Variants in KIFC3 observed in about 807,000 individuals in gnomAD.
KIFC3 encodes the protein kinesin family member C3.
Under a neutral mutation model 101.8 loss-of-function variants are expected in KIFC3, and 60 were observed. That is an observed-to-expected ratio of 0.59 (90% CI 0.48 to 0.73). The LOEUF is 0.73. KIFC3 is among the 30% of genes least tolerant of loss of function. The pLI is 0.00. For synonymous variants in KIFC3, 476 were observed against 482.7 expected (o/e 0.99, Z 0.18); for missense variants, 966 against 1,137.1 (o/e 0.85, Z 2.16).
At chr16:57,854,953 C>CT (rs2056133258) in intron 1 of KIFC3, among the ~76,000 whole-genome samples, 1 of 152,134 alleles carries the variant, frequency 6.6e-6, no homozygotes, top group South Asian at 2.1e-4. Context: ...GGCACAGTGG[C>CT]TGACACCCGT....
intron 9 of KIFC3, among the ~76,000 whole-genome samples, chr16:57,768,599 A>T (rs1338067935): frequency 1.3e-5 from 2 of 151,716 alleles, no homozygotes; most frequent in African/African-American, 2.4e-5. Flanking sequence ...ACATTGGAAG[A>T]GTTGGGTGGG....
intron 1 of KIFC3, among the ~76,000 whole-genome samples, chr16:57,855,962 C>A (rs566887305): frequency 3.5e-5 from 5 of 141,962 alleles, no homozygotes; most frequent in Admixed American, 7.1e-5. Context: ...AAAAAAAAAC[C>A]AAAAACAAAA....
chr16:57,765,917 ACCC>A (rs2050429423), intron 10 of KIFC3: 1 of 381,734 alleles, frequency 2.6e-6, no homozygotes, highest in African/African-American at 2.1e-5. Context: ...CAAGCACTGC[ACCC>A]CGTCAGGGTG....
At chr16:57,835,536 A>G (rs934429781) in intron 1 of KIFC3, among the ~76,000 whole-genome samples, 15 of 152,242 alleles carry the variant, frequency 9.9e-5, no homozygotes, top group South Asian at 2.1e-4. Context: ...TTATTAGGTT[A>G]CAGAACAACC....
chr16:57,773,832 C>T (rs1345853351), intron 3 of KIFC3: 2 of 152,122 alleles, frequency 1.3e-5, no homozygotes, highest in Non-Finnish European at 2.9e-5. Context: ...TGTTCGGCCT[C>T]GGAGGTCCCT....
Position 57,758,619 on chromosome 16 carries a change from C to T in KIFC3, c.*315G>A, listed in dbSNP as rs1555590961. The stretch of plus-strand genomic sequence containing the variant: ...TGGGTGAGAGGCCCACCCTCCTCCA[C>T]ACTCCCGCCCTCCTCACGGGGCCCA... On this transcript the variant is annotated 3_prime_UTR_variant, in exon 20 of 20. Transcript: ENST00000445690. 3 of 694,890 alleles carry T rather than the reference C, an allele frequency of 4.3e-6. No homozygotes were observed. The highest frequency in any genetic ancestry group is 7.9e-6 in the Non-Finnish European group (3 of 380,674). 43.0% of individuals were successfully genotyped at this position (694,890 alleles called of 1,614,324 possible). A position where few individuals can be genotyped will look rare whatever the true frequency, so the allele number is the denominator to read the frequency against.
chr16:57,790,098 A>C (rs1358678963), intron 3 of KIFC3, among the ~76,000 whole-genome samples: 1 of 44,668 alleles, frequency 2.2e-5, no homozygotes, highest in East Asian at 3.9e-4. Context: ...TTTTTTTTTA[A>C]AGACAGAGTT....
chr16:57,813,003 A>C (rs1555628059), intron 1 of KIFC3, among the ~76,000 whole-genome samples: 1 of 152,120 alleles, frequency 6.6e-6, no homozygotes, highest in Non-Finnish European at 1.5e-5. Context: ...AGCTCATTCC[A>C]CTTGTACTGT....
At chr16:57,808,817 GA>G (rs1454646506) in intron 1 of KIFC3, among the ~76,000 whole-genome samples, 2 of 152,204 alleles carry the variant, frequency 1.3e-5, no homozygotes, top group African/African-American at 4.8e-5. Flanking sequence ...TTCCTCCTGT[GA>G]AAATGAGAGT....
intron 3 of KIFC3, chr16:57,775,440 G>A (rs1157825808): frequency 9.9e-7 from 1 of 1,014,240 alleles, no homozygotes; most frequent in African/African-American, 1.7e-5. Flanking sequence ...TCTCGGGCTT[G>A]TAGGGAAGAT....
At chr16:57,861,404 C>A (rs1959263278) in intron 1 of KIFC3, among the ~76,000 whole-genome samples, 1 of 152,220 alleles carries the variant, frequency 6.6e-6, no homozygotes, top group South Asian at 2.1e-4. Context: ...TAGGACATCT[C>A]TGACACTATT....
In KIFC3 at chr16:57,759,126, TAG is replaced by T. The variant is rs1555592862; in HGVS notation, c.*21_*22del. 2 of 1,550,752 alleles carry T rather than the reference TAG, an allele frequency of 1.3e-6. No homozygotes were observed. Among genetic ancestry groups the T allele is most frequent in the Admixed American group, 3.9e-5 (2 of 51,004 alleles). The stretch of plus-strand genomic sequence containing the variant: ...CTGGGCCACAGGCCCCACACTCACC[TAG>T]AGACTCTGCAGCCCCAGCCGTCAGG... On this transcript the variant is annotated splice_region_variant and 3_prime_UTR_variant, in exon 19 of 20. Coordinates refer to ENST00000445690, the MANE Select transcript of KIFC3 (RefSeq NM_001130100.2).
intron 1 of KIFC3, among the ~76,000 whole-genome samples, chr16:57,829,332 C>T (rs1220610728): frequency 6.6e-6 from 1 of 152,236 alleles, no homozygotes; most frequent in Admixed American, 6.5e-5. Context: ...GAGCTCACTG[C>T]AGCCTCGACC....
At position 57,761,143 on chromosome 16, in the gene KIFC3, G is replaced by A. The variant is rs781965077; in HGVS notation, c.1901C>T (p.Thr634Met). Residue 634 changes from threonine (T) to methionine (M), a missense_variant, in exon 15 of 20, where the codon ACG becomes ATG. Transcript: ENST00000445690. ...KVFEFGHTNR[T>M]TEFTNLNEHS... ...CTCGTTCAGGTTGGTGAACTCGGTC[G>A]TGCGATTAGTGTGGCCAAACTCAAA... The A allele has an allele frequency of 5.0e-6, 8 of 1,613,958 alleles. No homozygotes were observed. The highest frequency in any genetic ancestry group is 1.1e-5 in the South Asian group (1 of 91,080).
At chr16:57,805,838 G>A (rs375691633), upstream of KIFC3, among the ~76,000 whole-genome samples, 8 of 152,170 alleles carry the variant, frequency 5.3e-5, no homozygotes, top group East Asian at 1.4e-3. Flanking sequence ...ACCACGCCCA[G>A]CTAATTTTTG....
intron 1 of KIFC3, among the ~76,000 whole-genome samples, chr16:57,810,038 G>T (rs1278768442): frequency 6.6e-6 from 1 of 152,108 alleles, no homozygotes; most frequent in Non-Finnish European, 1.5e-5. Flanking sequence ...GATCTTCTGA[G>T]GTCAGTCCTG....
intron 1 of KIFC3, among the ~76,000 whole-genome samples, chr16:57,819,408 A>G (rs2055303982): frequency 6.6e-6 from 1 of 152,158 alleles, no homozygotes; most frequent in Admixed American, 6.5e-5. Context: ...AGTGGGGTAC[A>G]TGACTTGGCG....
intron 3 of KIFC3, among the ~76,000 whole-genome samples, chr16:57,793,486 G>C (rs1236697115): frequency 6.6e-6 from 1 of 151,738 alleles, no homozygotes; most frequent in Non-Finnish European, 1.5e-5. Context: ...CCAGCTACTT[G>C]GGAGGCTGAG....
intron 3 of KIFC3, chr16:57,775,188 T>C (rs1476885875): frequency 7.5e-7 from 1 of 1,331,938 alleles, no homozygotes; most frequent in Non-Finnish European, 9.6e-7. Flanking sequence ...CAAAAGGAAG[T>C]GGCCGCAACC....
Sources: gnomAD v4.1 joint callset for allele counts (sites outside exome capture counted in the v4.1 genomes callset) on GRCh38, gnomAD v4.1.1 for gene constraint, MANE v1.5 for transcripts, NCBI Gene and HGNC (gene_info 2026-07-23, HGNC 2026-07-21) for gene names.